The following ZFP64 variants were observed in gnomAD, a reference collection of about 807,000 sequenced individuals.
ZFP64 encodes ZFP64 zinc finger protein.
A neutral mutation model predicts 51.6 loss-of-function variants in ZFP64; 14 were observed. That is an observed-to-expected ratio of 0.27 (90% CI 0.18 to 0.42). ZFP64 has a LOEUF of 0.42. Among genes scored for constraint, ZFP64 ranks in the 10% least tolerant of loss-of-function variants. ZFP64 has a pLI of 1.00. For missense variants in ZFP64, 754 were observed against 906.8 expected (o/e 0.83, Z 2.16); for synonymous variants, 375 against 361.4 (o/e 1.04, Z -0.43).
At chr20:52,105,498 C>A in intron 5 of ZFP64, 1 of 472,308 alleles carries the variant, frequency 2.1e-6, no homozygotes, top group Non-Finnish European at 3.3e-6. Flanking sequence ...GACTCTCGGG[C>A]TCTACCCCAG....
At chr20:52,090,875 A>G (rs2078917764) in intron 7 of ZFP64, among the ~76,000 whole-genome samples, 2 of 138,032 alleles carry the variant, frequency 1.4e-5, no homozygotes, top group African/African-American at 5.5e-5. Flanking sequence ...GGATCACTTA[A>G]GTCCAGAAGT....
chr20:52,119,536 AT>A (rs1320149137), intron 5 of ZFP64, among the ~76,000 whole-genome samples: 1,829 of 40,856 alleles, frequency 0.045, 25 homozygotes, highest in South Asian at 0.14. Context: ...AAAAAAAAAT[AT>A]ATATATATAT....
rs774953307 is a variant in ZFP64, at chr20:52,152,820, C to G, written c.1372G>C (p.Val458Leu). Residue 458 changes from valine to leucine, a missense_variant, in exon 6 of 6, where the codon GTG becomes CTG. Coordinates refer to ENST00000216923, the MANE Select transcript of ZFP64 (RefSeq NM_018197.3). ...TCGATCTGAAACTGGAGAACGGTCA[C>G]GTCCGAGTTCTTACTCTCACTGTAC... ...SEYSESKNSDVTVLQFQIDPS... is the reference protein window; with the variant it reads ...SEYSESKNSDLTVLQFQIDPS... 6.2e-7 allele frequency: 1 copy of G among 1,613,560 alleles called. No individual in the cohort carries two copies. The highest frequency in any genetic ancestry group is 8.5e-7 in the Non-Finnish European group (1 of 1,179,520).
chr20:52,152,133 GT>G lies in ZFP64; in HGVS notation c.*12del, dbSNP rs3838014. ...TCAATTCCTTTCCCCCACTCCTTTT[GT>G]TTTTTTAAGCACTAATCTGGAATGG... is the stretch of plus-strand genomic sequence containing the variant. On this transcript the variant is annotated 3_prime_UTR_variant, in exon 6 of 6. Coordinates refer to ENST00000216923, the MANE Select transcript of ZFP64 (RefSeq NM_018197.3). The G allele has an allele frequency of 0.39, 626,357 of 1,601,852 alleles. 127,659 individuals are homozygous for G. Among genetic ancestry groups the G allele is most frequent in the Admixed American group, 0.43 (25,623 of 59,036 alleles).
chr20:52,143,539 GT>G lies in ZFP64; in HGVS notation c.763+16583del, dbSNP rs879266044. On this transcript the variant is annotated intron_variant, in intron 5 of 8. Transcript: ENST00000361387. ...TGTTTTTGAGCTATTTTACGACTTA[GT>G]TTTTTTTTTTTTAGACACAGTCTCA... Among the ~76,000 whole-genome samples, 110 of 131,710 alleles carry G rather than the reference GT, an allele frequency of 8.4e-4. 6 individuals are homozygous for G. Among genetic ancestry groups the G allele is most frequent in the South Asian group, 1.0e-3 (4 of 3,848 alleles). 86.4% of individuals were successfully genotyped at this position (131,710 alleles called of 152,430 possible).
chr20:52,091,674 G>A (rs2078928489), intron 7 of ZFP64, among the ~76,000 whole-genome samples: 1 of 151,832 alleles, frequency 6.6e-6, no homozygotes, highest in South Asian at 2.1e-4. Context: ...TCCAGAAACA[G>A]ATAAGTTTCC....
chr20:52,176,505 C>CTCTTTTTTTTTTTTTTTTTTTTT (rs1555810297), intron 2 of ZFP64, among the ~76,000 whole-genome samples: 1 of 136,730 alleles, frequency 7.3e-6, no homozygotes, highest in African/African-American at 2.8e-5. Context: ...TTCAATCTCT[C>CTCTTTTTTTTTTTTTTTTTTTTT]TTTTTTTTTT....
intron 5 of ZFP64, among the ~76,000 whole-genome samples, chr20:52,134,813 CT>C (rs1399590278): frequency 2.0e-5 from 3 of 151,928 alleles, no homozygotes; most frequent in Non-Finnish European, 4.4e-5. Context: ...TTACGGACCA[CT>C]TTTTTTTGTA....
In ZFP64 at chr20:52,094,816, C is replaced by T. The variant is rs79459015; in HGVS notation, c.976+2557G>A. Among the ~76,000 whole-genome samples, 20 of 152,244 alleles carry T rather than the reference C, an allele frequency of 1.3e-4. No individual in the cohort carries two copies. In the East Asian group the frequency reaches 3.5e-3, roughly 26 times the overall value. On this transcript the variant is annotated intron_variant, in intron 7 of 8. Transcript: ENST00000361387. The stretch of plus-strand genomic sequence containing the variant: ...AATACAACCACTATTCCCAGTTAAA[C>T]ACACACCTCAGTATTCCTAGCTTTC...
intron 5 of ZFP64, among the ~76,000 whole-genome samples, chr20:52,112,107 A>C (rs1223902946): frequency 2.0e-5 from 3 of 151,396 alleles, no homozygotes; most frequent in African/African-American, 7.3e-5. Flanking sequence ...AAAACAAAAA[A>C]AAAACAAGAA....
intron 5 of ZFP64, among the ~76,000 whole-genome samples, chr20:52,120,861 C>T (rs1979156592): frequency 6.6e-6 from 1 of 151,624 alleles, no homozygotes; most frequent in Admixed American, 6.6e-5. Context: ...ATTTTTAGTA[C>T]AGATGGGGTT....
At chr20:52,177,742 A>T (rs894189757) in intron 2 of ZFP64, among the ~76,000 whole-genome samples, 19 of 152,124 alleles carry the variant, frequency 1.2e-4, no homozygotes, top group African/African-American at 4.6e-4. Flanking sequence ...TGTTGTTAAG[A>T]GCAACAGAGG....
At chr20:52,127,445 G>A (rs934673611) in intron 5 of ZFP64, among the ~76,000 whole-genome samples, 1 of 152,144 alleles carries the variant, frequency 6.6e-6, no homozygotes, top group African/African-American at 2.4e-5. Flanking sequence ...GGCGGCTGCT[G>A]TTCTCATGAT....
At chr20:52,183,575 C>A (rs1413240848) in intron 2 of ZFP64, among the ~76,000 whole-genome samples, 5 of 152,150 alleles carry the variant, frequency 3.3e-5, no homozygotes, top group African/African-American at 4.8e-5. Flanking sequence ...TAGGTCCTAC[C>A]AGGCCCACTT....
intron 1 of ZFP64, among the ~76,000 whole-genome samples, chr20:52,190,037 G>A (rs1984261081): frequency 6.6e-6 from 1 of 152,090 alleles, no homozygotes; most frequent in African/African-American, 2.4e-5. Flanking sequence ...TTTTCCCCAG[G>A]TCTAGCTAAG....
At position 52,165,921 on chromosome 20, in the gene ZFP64, G is replaced by A. The variant is rs374920868; in HGVS notation, c.391C>T (p.Arg131Cys). 1.3e-4 allele frequency: 206 copies of A among 1,614,006 alleles called. No individual in the cohort carries two copies. The highest frequency in any genetic ancestry group is 1.7e-4 in the Admixed American group (10 of 59,994). ...GGTGGTGTTGTGGGCTTTTTGGTGCGTGACTTGGCAGGGAGAGAGATGACA... is the reference window on the plus strand; with the variant it reads ...GGTGGTGTTGTGGGCTTTTTGGTGCATGACTTGGCAGGGAGAGAGATGACA... ...ATVISLPAKS[R>C]TKKPTTPPAQ... The change falls in exon 3 of 6, where the codon CGC becomes TGC. Residue 131 changes from arginine to cysteine, a missense_variant. Arg to Cys is a radical substitution (Grantham distance 180, BLOSUM62 -3). This residue lies in a region of ZFP64 where 231 missense variants were observed against 336.7 expected (regional missense o/e 0.69). Transcript: ENST00000216923.
At chr20:52,107,423 A>C (rs1023662048) in intron 5 of ZFP64, among the ~76,000 whole-genome samples, 16 of 152,112 alleles carry the variant, frequency 1.1e-4, no homozygotes, top group Admixed American at 1.0e-3. Flanking sequence ...ACTGCCCCAA[A>C]GTAGGACCTT....
chr20:52,098,543 T>C (rs761967436), exon 6 of ZFP64: 2 of 1,613,944 alleles, frequency 1.2e-6, no homozygotes, highest in Non-Finnish European at 1.7e-6. Context: ...GTGCTTTCAG[T>C]GGAGAGGCAG....
rs1429396705 is a variant in ZFP64, at chr20:52,098,985, G to A, written c.764-398C>T. Among the ~76,000 whole-genome samples, 4 of 132,876 alleles carry A rather than the reference G, an allele frequency of 3.0e-5. No individual in the cohort carries two copies. In the East Asian group the frequency reaches 6.9e-4, roughly 23 times the overall value. 87.2% of individuals were successfully genotyped at this position (132,876 alleles called of 152,430 possible). A position where few individuals can be genotyped will look rare whatever the true frequency, so the allele number is the denominator to read the frequency against. Reference sequence around the variant, plus strand: ...CCACTGCACTCCAGCCTGGGCAACAGAGCAAGACTCTGTCTTTACCAAAAA... The same window carrying A: ...CCACTGCACTCCAGCCTGGGCAACAAAGCAAGACTCTGTCTTTACCAAAAA... On this transcript the variant is annotated intron_variant, in intron 5 of 8. Coordinates refer to the ZFP64 transcript ENST00000361387.
Sources: gnomAD v4.1 joint callset for allele counts (sites outside exome capture counted in the v4.1 genomes callset) on GRCh38, gnomAD v4.1.1 for gene constraint, gnomAD v4.1.1 regional missense constraint, MANE v1.5 for transcripts, NCBI Gene and HGNC (gene_info 2026-07-23, HGNC 2026-07-21) for gene names.